Variants in FAM228A observed in about 807,000 individuals in gnomAD.
FAM228A encodes family with sequence similarity 228 member A, also known as protein FAM228A.
In FAM228A, 13 loss-of-function variants were observed where a neutral mutation model predicts 18.6. That is an observed-to-expected ratio of 0.70 (90% CI 0.45 to 1.11). FAM228A has a LOEUF of 1.11. FAM228A is among the 50% of genes least tolerant of loss of function. FAM228A has a pLI of 0.00. For synonymous variants in FAM228A, 77 were observed against 86.6 expected, an observed-to-expected ratio of 0.89 and a Z score of 0.61; for missense variants, 240 against 242.2, an observed-to-expected ratio of 0.99 and a Z score of 0.06.
chr2:24,188,630 C>G, intron 5 of FAM228A: 1 of 985,440 alleles, frequency 1.0e-6, no homozygotes, highest in Non-Finnish European at 1.2e-6. Context: ...AAATCAGTCT[C>G]TACCTTGGTA....
At chr2:24,178,983 G>C (rs1667754623) in intron 3 of FAM228A, 1 of 205,514 alleles carries the variant, frequency 4.9e-6, no homozygotes, top group South Asian at 9.9e-5. Flanking sequence ...CTTATACTGG[G>C]ACTTTGCAAC....
At chr2:24,180,798 T>C (rs1667799098) in intron 3 of FAM228A, among the ~76,000 whole-genome samples, 1 of 152,218 alleles carries the variant, frequency 6.6e-6, no homozygotes. Flanking sequence ...GTCCTTAACC[T>C]GTCATTCCTG....
At chr2:24,179,297 G>A (rs1163270953) in intron 3 of FAM228A, 2 of 568,280 alleles carry the variant, frequency 3.5e-6, no homozygotes. Context: ...GACATAAAAT[G>A]GTACTGATGT....
intron 3 of FAM228A, among the ~76,000 whole-genome samples, chr2:24,182,388 G>A (rs1667835663): frequency 6.6e-6 from 1 of 152,124 alleles, no homozygotes; most frequent in Non-Finnish European, 1.5e-5. Flanking sequence ...GGGTGCTGGA[G>A]GCAGTACATA....
Position 24,191,261 on chromosome 2 carries a change from CG to C in FAM228A, c.*631del. ...AGGCCTAGGGGGCTTGGTGGGCCAC[CG>C]CTCAGCTCAGGACCTGACAGCGTCA... On this transcript the variant is annotated 3_prime_UTR_variant, in exon 6 of 6. Transcript: ENST00000295150. 3.0e-6 allele frequency: 3 copies of C among 985,610 alleles called. No individual in the cohort carries two copies. The highest frequency in any genetic ancestry group is 3.6e-6 in the Non-Finnish European group (3 of 830,096). The allele number at this position is 985,610 out of a possible 1,614,324, so 61.1% of individuals were successfully genotyped here.
At chr2:24,190,220 C>T (rs1668046999) in intron 5 of FAM228A, among the ~76,000 whole-genome samples, 192 bp from the exon 6 acceptor site, 1 of 152,134 alleles carries the variant, frequency 6.6e-6, no homozygotes, top group African/African-American at 2.4e-5. Flanking sequence ...CAAGTCACCA[C>T]CTCCCTAGGA....
intron 2 of FAM228A, among the ~76,000 whole-genome samples, chr2:24,176,474 C>T (rs904050948): frequency 1.3e-5 from 2 of 152,200 alleles, no homozygotes; most frequent in African/African-American, 2.4e-5. Context: ...CCTGGGCCTT[C>T]AGAGCACTAG....
intron 1 of FAM228A, 28 bp downstream of exon 1, chr2:24,175,202 G>A: frequency 2.5e-6 from 1 of 407,458 alleles, no homozygotes; most frequent in Non-Finnish European, 4.5e-6. Context: ...CTACGGGCCT[G>A]GGGGTCGCGG....
intron 5 of FAM228A, among the ~76,000 whole-genome samples, chr2:24,187,069 T>TTC (rs368669070): frequency 4.6e-5 from 7 of 151,834 alleles, no homozygotes; most frequent in East Asian, 1.9e-4. Context: ...CATTTTGCCT[T>TTC]TCTCTCTCTC....
intron 5 of FAM228A, among the ~76,000 whole-genome samples, chr2:24,185,039 T>A (rs1667911766): frequency 6.6e-6 from 1 of 152,102 alleles, no homozygotes; most frequent in African/African-American, 2.4e-5. Context: ...GCCAGGATGG[T>A]CTTGATCTCT....
At chr2:24,183,465 T>C (rs771039610) in intron 4 of FAM228A, 30 bp from the exon 5 acceptor site, 8 of 1,608,748 alleles carry the variant, frequency 5.0e-6, no homozygotes, top group Non-Finnish European at 6.8e-6. Flanking sequence ...TCTTGAAGAG[T>C]GTTGATTTCG....
chr2:24,179,210 C>T (rs1667760795), intron 3 of FAM228A: 13 of 1,066,034 alleles, frequency 1.2e-5, no homozygotes, highest in Non-Finnish European at 1.4e-5. Context: ...GCCTCTTCAG[C>T]AGAGAATTAT....
intron 5 of FAM228A, 75 bp from the exon 6 acceptor site, chr2:24,190,337 A>T: frequency 1.4e-6 from 2 of 1,460,028 alleles, no homozygotes; most frequent in South Asian, 2.9e-5. Context: ...TCATTGCATT[A>T]ATCTTCGGAA....
rs746309692 is a variant in FAM228A at position 24,190,470 on chromosome 2, G to C, written c.460G>C (p.Asp154His). ...GAAAAGAAAAGAGAAAAAGACGGCC[G>C]ACCTAAGTCAGGCTGCGTTTGAAAG... The part of the protein sequence containing the change: ...KQKRKEKKTA[D>H]LSQAAFERQF... The change falls in exon 6 of 6, where the codon GAC becomes CAC. Residue 154 changes from aspartate (D) to histidine (H), a missense_variant. Physicochemically the swap from Asp to His is moderately conservative, Grantham distance 81 (BLOSUM62 -1). Transcript: ENST00000295150. The C allele has an allele frequency of 1.9e-6, 3 of 1,614,098 alleles. No homozygotes were observed. The highest frequency in any genetic ancestry group is 2.5e-6 in the Non-Finnish European group (3 of 1,180,026).
In FAM228A at chr2:24,190,883, C is replaced by T. The variant is rs1668068318; in HGVS notation, c.*252C>T. 1 of 1,193,472 alleles carries T rather than the reference C, an allele frequency of 8.4e-7. No homozygotes were observed. Among genetic ancestry groups the T allele is most frequent in the African/African-American group, 1.6e-5 (1 of 63,958 alleles). 73.9% of individuals were successfully genotyped at this position (1,193,472 alleles called of 1,614,324 possible). On this transcript the variant is annotated 3_prime_UTR_variant, in exon 6 of 6. Transcript: ENST00000295150. ...GTGAGGGCCAACCTGGCCACAGGGG[C>T]TTTTCCCCCTGAGATTTCTTCAGCG...
chr2:24,190,914 G>T lies in FAM228A; in HGVS notation c.*283G>T. 4.4e-6 allele frequency: 5 copies of T among 1,134,818 alleles called. No individual in the cohort carries two copies. The highest frequency in any genetic ancestry group is 5.4e-6 in the Non-Finnish European group (5 of 925,390). The allele number at this position is 1,134,818 out of a possible 1,614,324, so 70.3% of individuals were successfully genotyped here. Reference sequence around the variant, plus strand: ...CCCCTGAGATTTCTTCAGCGCCTTCGCCCGGGCCTTTGCCCTTCTGCCACT... The same window carrying T: ...CCCCTGAGATTTCTTCAGCGCCTTCTCCCGGGCCTTTGCCCTTCTGCCACT... On this transcript the variant is annotated 3_prime_UTR_variant, in exon 6 of 6. Coordinates refer to ENST00000295150, the MANE Select transcript of FAM228A (RefSeq NM_001040710.3).
At chr2:24,187,468 C>A (rs921746484) in intron 5 of FAM228A, among the ~76,000 whole-genome samples, 2 of 152,218 alleles carry the variant, frequency 1.3e-5, no homozygotes, top group South Asian at 4.1e-4. Flanking sequence ...AGGGTTCACT[C>A]TTGATGTTGT....
At chr2:24,186,449 C>T (rs576901892) in intron 5 of FAM228A, among the ~76,000 whole-genome samples, 2 of 152,232 alleles carry the variant, frequency 1.3e-5, no homozygotes, top group African/African-American at 4.8e-5. Context: ...TCTTCTTAAA[C>T]TCAAAGGGAA....
At chr2:24,188,736 A>C (rs2151049099) in intron 5 of FAM228A, 2 of 817,616 alleles carry the variant, frequency 2.4e-6, no homozygotes, top group African/African-American at 1.9e-5. Context: ...GCCTCTCTGG[A>C]ATTCTTTTTA....
Sources: gnomAD v4.1 joint callset for allele counts (sites outside exome capture counted in the v4.1 genomes callset) on GRCh38, gnomAD v4.1.1 for gene constraint, MANE v1.5 for transcripts, NCBI Gene and HGNC (gene_info 2026-07-23, HGNC 2026-07-21) for gene names.